Variants in SERPINA5 observed in about 807,000 individuals in gnomAD.
SERPINA5 encodes the protein plasma serine protease inhibitor.
Under a neutral mutation model 25.3 loss-of-function variants are expected in SERPINA5, and 25 were observed. That is an observed-to-expected ratio of 0.99 (90% CI 0.72 to 1.38). The LOEUF (loss-of-function observed/expected upper bound fraction) is 1.38. Ranked by LOEUF, SERPINA5 falls within the 40% of genes most tolerant of loss-of-function variation. SERPINA5 has a pLI of 0.00. For missense variants in SERPINA5, 599 were observed against 509.5 expected, an observed-to-expected ratio of 1.18 and a Z score of -1.69; for synonymous variants, 234 against 206.2, an observed-to-expected ratio of 1.14 and a Z score of -1.16.
chr14:94,586,370 T>A (rs1477047342), intron 2 of SERPINA5, among the ~76,000 whole-genome samples: 1 of 152,206 alleles, frequency 6.6e-6, no homozygotes, highest in Non-Finnish European at 1.5e-5. Context: ...AAGTCTGAGA[T>A]TAAGGCACCA....
intron 2 of SERPINA5, among the ~76,000 whole-genome samples, chr14:94,584,744 C>G (rs1222076262): frequency 6.6e-6 from 1 of 152,216 alleles, no homozygotes; most frequent in East Asian, 1.9e-4. Flanking sequence ...TCCCCTGCTT[C>G]TGAAGCTGTT....
At chr14:94,582,374 T>C (rs1049395766) in intron 2 of SERPINA5, 1 of 152,172 alleles carries the variant, frequency 6.6e-6, no homozygotes, top group Admixed American at 6.5e-5. Flanking sequence ...CTGACGGTGA[T>C]GATAAGTGAC....
At chr14:94,587,205 C>G (rs1462921519) in intron 2 of SERPINA5, 141 bp from the exon 3 acceptor site, 8 of 749,512 alleles carry the variant, frequency 1.1e-5, no homozygotes, top group Non-Finnish European at 1.7e-5. Flanking sequence ...ACCCTCATGC[C>G]CAGTCTTGCG....
intron 2 of SERPINA5, chr14:94,582,313 A>T (rs10141798): frequency 0.3 from 45,018 of 152,184 alleles, 6,930 homozygotes; most frequent in South Asian, 0.34. Context: ...AAACCGAAGC[A>T]TGAAGAATAC....
chr14:94,590,281 T>G lies in SERPINA5; in HGVS notation c.860T>G (p.Leu287Arg), dbSNP rs1300158429. 3 of 1,609,604 alleles carry G rather than the reference T, an allele frequency of 1.9e-6. No homozygotes were observed. The African/African-American group carries it at 4.0e-5, about 22-fold the overall frequency. ...QVENGLSEKT[L>R]RKWLKMFKKR... ...GAGAATGGACTGAGTGAGAAAACGCTGAGGAAGTGGCTTAAGATGTTCAAA... is the reference window on the plus strand; with the variant it reads ...GAGAATGGACTGAGTGAGAAAACGCGGAGGAAGTGGCTTAAGATGTTCAAA... Residue 287 changes from leucine (L) to arginine (R), a missense_variant, in exon 4 of 6, where the codon CTG (leucine) becomes CGG (arginine). Leu to Arg is a moderately radical substitution (Grantham distance 102, BLOSUM62 -2). Transcript: ENST00000329597.
At chr14:94,586,613 G>A (rs913170644) in intron 2 of SERPINA5, among the ~76,000 whole-genome samples, 3 of 152,184 alleles carry the variant, frequency 2.0e-5, no homozygotes, top group Admixed American at 1.3e-4. Context: ...GGTATTGAAG[G>A]TAAGGACTTC....
rs1885250517 is a variant in SERPINA5 at position 94,590,734 on chromosome 14, C to T, written c.891-15C>T. 6.2e-7 allele frequency: 1 copy of T among 1,612,572 alleles called. No homozygotes were observed. The highest frequency in any genetic ancestry group is 8.5e-7 in the Non-Finnish European group (1 of 1,179,222). ...GCCCCAGAACAGTCTAAGAAAGCTCCTTTTCCCTTTCCAGGCAGCTCGAGC... is the reference window on the plus strand; with the variant it reads ...GCCCCAGAACAGTCTAAGAAAGCTCTTTTTCCCTTTCCAGGCAGCTCGAGC... On this transcript the variant is annotated splice_polypyrimidine_tract_variant and intron_variant, in intron 4 of 5. Transcript: ENST00000329597.
intron 5 of SERPINA5, among the ~76,000 whole-genome samples, chr14:94,591,372 C>T (rs564025654): frequency 1.3e-5 from 2 of 148,932 alleles, no homozygotes; most frequent in African/African-American, 2.5e-5. Context: ...CACTCCATTC[C>T]ACTCCTCCAC....
rs775379798 is a variant in SERPINA5, at chr14:94,592,188, G to A, written c.1170G>A (p.Met390Ile). The change falls in exon 6 of 6, where the codon ATG becomes ATA. Residue 390 changes from methionine to isoleucine, a missense_variant. Coordinates refer to ENST00000329597, the MANE Select transcript of SERPINA5 (RefSeq NM_000624.6). ...QRLVFNRPFL[M>I]FIVDNNILFL... Reference sequence around the variant, plus strand: ...TAGTGTTCAACAGGCCCTTTCTGATGTTCATTGTGGATAACAACATCCTCT... The same window carrying A: ...TAGTGTTCAACAGGCCCTTTCTGATATTCATTGTGGATAACAACATCCTCT... The A allele has an allele frequency of 8.1e-5, 131 of 1,614,054 alleles. No homozygotes were observed. The highest frequency in any genetic ancestry group is 8.3e-5 in the Non-Finnish European group (98 of 1,180,024).
rs3177818 is a variant in SERPINA5, at chr14:94,590,861, G to A, written c.1003G>A (p.Gly335Ser). The change falls in exon 5 of 6, where the codon GGC becomes AGC. Residue 335 changes from glycine (G) to serine (S), a missense_variant. Transcript: ENST00000329597. ...NVFTSHADLS[G>S]ISNHSNIQVS... ...CTTCACCTCCCATGCTGATCTGTCC[G>A]GCATCAGCAACCACTCAAATATCCA... The A allele has an allele frequency of 4.4e-5, 71 of 1,612,972 alleles. No individual in the cohort carries two copies. The highest frequency in any genetic ancestry group is 1.6e-4 in the East Asian group (7 of 44,866).
intron 2 of SERPINA5, among the ~76,000 whole-genome samples, chr14:94,586,112 G>A (rs1419440266): frequency 6.6e-6 from 1 of 152,126 alleles, no homozygotes; most frequent in Non-Finnish European, 1.5e-5. Context: ...AGATGGGGAG[G>A]CATGGGCACA....
intron 3 of SERPINA5, 69 bp from the exon 4 acceptor site, chr14:94,589,972 T>G: frequency 6.9e-7 from 1 of 1,454,880 alleles, no homozygotes; most frequent in Non-Finnish European, 9.3e-7. Context: ...TCACTCCTTT[T>G]ATTTGCAGCT....
rs1407135450 is a variant in SERPINA5, at chr14:94,592,408, C to G, written c.*169C>G. On this transcript the variant is annotated 3_prime_UTR_variant, in exon 6 of 6. Transcript: ENST00000329597. ...ATTGCTTCCACCCACACGACTGCAA[C>G]ATACAGGTGCCTTGGGGAAATGTGG... 1.6e-6 allele frequency: 1 copy of G among 639,072 alleles called. No homozygotes were observed. Among genetic ancestry groups the G allele is most frequent in the Non-Finnish European group, 2.6e-6 (1 of 380,008 alleles). 39.6% of individuals were successfully genotyped at this position (639,072 alleles called of 1,614,324 possible).
intron 2 of SERPINA5, among the ~76,000 whole-genome samples, chr14:94,585,130 C>T (rs1386357128): frequency 4.6e-5 from 7 of 152,172 alleles, no homozygotes; most frequent in Non-Finnish European, 1.0e-4. Flanking sequence ...AGAGTGATAA[C>T]CGAGTCTGAG....
Position 94,592,208 on chromosome 14 carries a change from T to A in SERPINA5, c.1190T>A (p.Ile397Asn), listed in dbSNP as rs183740930. The A allele has an allele frequency of 6.2e-7, 1 of 1,613,956 alleles. No individual in the cohort carries two copies. The highest frequency in any genetic ancestry group is 8.5e-7 in the Non-Finnish European group (1 of 1,179,868). Residue 397 changes from isoleucine (I) to asparagine (N), a missense_variant, in exon 6 of 6, where the codon ATC becomes AAC. Coordinates refer to ENST00000329597, the MANE Select transcript of SERPINA5 (RefSeq NM_000624.6). ...PFLMFIVDNNILFLGKVNRP is the reference protein window; with the variant it reads ...PFLMFIVDNNNLFLGKVNRP ...CTGATGTTCATTGTGGATAACAACATCCTCTTCCTTGGCAAAGTGAACCGC... is the reference window on the plus strand; with the variant it reads ...CTGATGTTCATTGTGGATAACAACAACCTCTTCCTTGGCAAAGTGAACCGC...
At chr14:94,589,487 A>T (rs1052818186) in intron 3 of SERPINA5, among the ~76,000 whole-genome samples, 1 of 151,982 alleles carries the variant, frequency 6.6e-6, no homozygotes, top group Admixed American at 6.6e-5. Context: ...AAAAGAAATA[A>T]AATAAAATAA....
chr14:94,587,901 C>T lies in SERPINA5; in HGVS notation c.539C>T (p.Thr180Met), dbSNP rs140729195. 315 of 1,614,218 alleles carry T rather than the reference C, an allele frequency of 2.0e-4. No individual in the cohort carries two copies. Among genetic ancestry groups the T allele is most frequent in the East Asian group, 8.5e-4 (38 of 44,876 alleles). Residue 180 changes from threonine (T) to methionine (M), a missense_variant, in exon 3 of 6, where the codon ACG (threonine) becomes ATG (methionine). By Grantham distance (81) the Thr-to-Met change is moderately conservative. Coordinates refer to ENST00000329597, the MANE Select transcript of SERPINA5 (RefSeq NM_000624.6). ...KQINDYVAKQ[T>M]KGKIVDLLKN... ...ATCAATGATTATGTGGCAAAGCAAA[C>T]GAAGGGCAAGATTGTGGACTTGCTT...
In SERPINA5 at chr14:94,587,470, AG is replaced by A; in HGVS notation, c.110del (p.Gly37ValfsTer34). 1.9e-6 allele frequency: 3 copies of A among 1,614,148 alleles called. No homozygotes were observed. Among genetic ancestry groups the A allele is most frequent in the Non-Finnish European group, 2.5e-6 (3 of 1,180,028 alleles). ...MKKRVEDLHVGATVAPSSRRD... is the reference protein window; with the variant it reads ...MKKRVEDLHVXATVAPSSRRD... ...AGAAGAGAGTCGAGGACCTCCATGT[AG>A]GTGCCACGGTGGCCCCCAGCAGCAG... On this transcript the variant is annotated frameshift_variant, in exon 3 of 6. Coordinates refer to ENST00000329597, the MANE Select transcript of SERPINA5 (RefSeq NM_000624.6). LOFTEE classifies it high-confidence loss of function.
At chr14:94,591,819 A>G (rs1885312493) in intron 5 of SERPINA5, among the ~76,000 whole-genome samples, 1 of 152,176 alleles carries the variant, frequency 6.6e-6, no homozygotes, top group African/African-American at 2.4e-5. Flanking sequence ...TATAAAATTG[A>G]AGAATTACAC....
Sources: allele counts gnomAD v4.1 joint callset (sites outside exome capture counted in the v4.1 genomes callset), GRCh38; gene constraint gnomAD v4.1.1; transcripts MANE v1.5; gene names NCBI Gene and HGNC (gene_info 2026-07-23, HGNC 2026-07-21).